RBSN: variants seen among roughly 807,000 people sequenced by gnomAD.
RBSN encodes the protein rabenosyn-5.
RBSN carries 34 observed loss-of-function variants against 60.5 expected under a neutral mutation model. The ratio of observed to expected loss-of-function variants is 0.56; its 90% confidence interval spans 0.43 to 0.75. The LOEUF (loss-of-function observed/expected upper bound fraction) is 0.75. Among genes scored for constraint, RBSN ranks in the 30% least tolerant of loss-of-function variants. The pLI, the probability that RBSN is intolerant of heterozygous loss-of-function variation, is 0.00. For synonymous variants in RBSN, 322 were observed against 366.9 expected (o/e 0.88, Z 1.40); for missense variants, 845 against 986.8 (o/e 0.86, Z 1.92).
intron 13 of RBSN, chr3:15,075,223 T>C: frequency 2.3e-6 from 1 of 431,388 alleles, no homozygotes; most frequent in Non-Finnish European, 4.2e-6. Flanking sequence ...TCTGTTCCCC[T>C]CATCTACACT....
chr3:15,093,705 T>C (rs1369814021), intron 4 of RBSN, among the ~76,000 whole-genome samples: 1 of 152,082 alleles, frequency 6.6e-6, no homozygotes, highest in Non-Finnish European at 1.5e-5. Flanking sequence ...AACTTTATTT[T>C]GTTTTTTTGT....
rs1559342766 is a variant in RBSN at position 15,078,778 on chromosome 3, ACATATATATATATATATATAT to A, written c.912-638_912-618del. On this transcript the variant is annotated intron_variant, in intron 10 of 13. Transcript: ENST00000253699. ...CGGTCTCAAAAAAAAAAAAAAAAAT[ACATATATATATATATATATAT>A]ATATATATATATATATATATATATA... Among the ~76,000 whole-genome samples the A allele has an allele frequency of 1.9e-3, 68 of 35,800 alleles. 3 individuals are homozygous for A. The highest frequency in any genetic ancestry group is 6.4e-3 in the African/African-American group (65 of 10,078). The allele number at this position is 35,800 out of a possible 152,430, so 23.5% of individuals were successfully genotyped here. A position where few individuals can be genotyped will look rare whatever the true frequency, so the allele number is the denominator to read the frequency against.
chr3:15,096,073 G>A lies in RBSN; in HGVS notation c.48C>T (p.Cys16=), dbSNP rs751696161. ...ACTGCAGATCCTTCAGGCACAGAGG[G>A]CAGAGGAAGCCCTCCCTCACTTCCC... ...DPGEVREGFL[C]PLCLKDLQSF... The change falls in exon 4 of 14, where the codon TGC becomes TGT. Residue 16 remains cysteine, a synonymous_variant. Coordinates refer to ENST00000253699, the MANE Select transcript of RBSN (RefSeq NM_022340.4). 11 of 1,611,916 alleles carry A rather than the reference G, an allele frequency of 6.8e-6. No individual in the cohort carries two copies. Among genetic ancestry groups the A allele is most frequent in the Non-Finnish European group, 9.3e-6 (11 of 1,178,726 alleles).
In RBSN at chr3:15,089,459, AAAAAAAAAAAAAAAAAAAC is replaced by A. The variant is rs1358458675; in HGVS notation, c.289+921_289+939del. Reference sequence around the variant, plus strand: ...TGACACAGTGAGACTCCATCTCCAAAAAAAAAAAAAAAAAAAAACAAAAAAAAAAAACAGATATGTAAGA... The same window carrying A: ...TGACACAGTGAGACTCCATCTCCAAAAAAAAAAAAAAACAGATATGTAAGA... On this transcript the variant is annotated intron_variant, in intron 5 of 13. Transcript: ENST00000253699. Among the ~76,000 whole-genome samples the A allele has an allele frequency of 5.6e-4, 62 of 111,576 alleles. 2 individuals carry two copies. The highest frequency in any genetic ancestry group is 3.3e-3 in the African/African-American group (57 of 17,366). 73.2% of individuals were successfully genotyped at this position (111,576 alleles called of 152,430 possible).
At position 15,098,455 on chromosome 3, in the gene RBSN, T is replaced by TAAAA. The variant is rs1485723784; in HGVS notation, c.-500-185_-500-182dup. Among the ~76,000 whole-genome samples, 20 of 2,742 alleles carry TAAAA rather than the reference T, an allele frequency of 7.3e-3. 2 individuals carry two copies. Among genetic ancestry groups the TAAAA allele is most frequent in the African/African-American group, 0.017 (10 of 584 alleles). The allele number at this position is 2,742 out of a possible 152,430, so 1.8% of individuals were successfully genotyped here. A position where few individuals can be genotyped will look rare whatever the true frequency, so the allele number is the denominator to read the frequency against. ...CTCGCACTCTAAATCACGTAAAAAG[T>TAAAA]AAAAAAAATAAAAATAAAAAAAATA... is the stretch of plus-strand genomic sequence containing the variant. On this transcript the variant is annotated intron_variant, in intron 1 of 13. Coordinates refer to ENST00000253699, the MANE Select transcript of RBSN (RefSeq NM_022340.4).
In RBSN at chr3:15,096,186, A is replaced by G; in HGVS notation, c.-66T>C. ...GCCAAGAGTCAGCTTGATTCCTCCC[A>G]AGGAACCATGGTTCCCGCAGCATTA... On this transcript the variant is annotated 5_prime_UTR_variant, in exon 4 of 14. Transcript: ENST00000253699. 2.7e-6 allele frequency: 4 copies of G among 1,494,774 alleles called. No individual in the cohort carries two copies. The highest frequency in any genetic ancestry group is 3.6e-6 in the Non-Finnish European group (4 of 1,122,810). 92.6% of individuals were successfully genotyped at this position (1,494,774 alleles called of 1,614,324 possible). A position where few individuals can be genotyped will look rare whatever the true frequency, so the allele number is the denominator to read the frequency against.
At position 15,074,992 on chromosome 3, in the gene RBSN, C is replaced by T; in HGVS notation, c.1207-62G>A. On this transcript the variant is annotated intron_variant, in intron 13 of 13. Coordinates refer to ENST00000253699, the MANE Select transcript of RBSN (RefSeq NM_022340.4). The surrounding 1 kb of genome is among the most constrained non-coding windows in gnomAD (Gnocchi z 6.4). ...CTATGCTGGCAGCAGCCCACACTGTCACCCACCCTCTGTTGTCCCTCTATC... is the reference window on the plus strand; with the variant it reads ...CTATGCTGGCAGCAGCCCACACTGTTACCCACCCTCTGTTGTCCCTCTATC... 4 of 1,526,550 alleles carry T rather than the reference C, an allele frequency of 2.6e-6. No homozygotes were observed. The highest frequency in any genetic ancestry group is 3.5e-6 in the Non-Finnish European group (4 of 1,140,990). The allele number at this position is 1,526,550 out of a possible 1,614,324, so 94.6% of individuals were successfully genotyped here.
chr3:15,077,233 C>T lies in RBSN; in HGVS notation c.999-69G>A. The T allele has an allele frequency of 7.5e-7, 1 of 1,338,508 alleles. No homozygotes were observed. The highest frequency in any genetic ancestry group is 1.1e-6 in the Non-Finnish European group (1 of 931,974). 82.9% of individuals were successfully genotyped at this position (1,338,508 alleles called of 1,614,324 possible). A position where few individuals can be genotyped will look rare whatever the true frequency, so the allele number is the denominator to read the frequency against. On this transcript the variant is annotated intron_variant, in intron 11 of 13. Transcript: ENST00000253699. The surrounding 1 kb of genome is among the most constrained non-coding windows in gnomAD (Gnocchi z 4.4). ...TCAGAAACAAGGGTGAAAAGTATAA[C>T]ATCTGGAGTTGCCAGGCTTTCATGC...
chr3:15,091,457 A>T (rs1228954111), intron 4 of RBSN: 1 of 1,286,056 alleles, frequency 7.8e-7, no homozygotes, highest in Non-Finnish European at 1.0e-6. Flanking sequence ...TGCATGTGAG[A>T]ATACTTGCAA....
chr3:15,096,243 G>T lies in RBSN; in HGVS notation c.-123C>A. 9.4e-7 allele frequency: 1 copy of T among 1,068,770 alleles called. No individual in the cohort carries two copies. Among genetic ancestry groups the T allele is most frequent in the Non-Finnish European group, 1.3e-6 (1 of 793,622 alleles). The allele number at this position is 1,068,770 out of a possible 1,614,324, so 66.2% of individuals were successfully genotyped here. A position where few individuals can be genotyped will look rare whatever the true frequency, so the allele number is the denominator to read the frequency against. ...GCAGCACACAGATGGTGAGGAAGTGGCTTCATGGCCCTGGATGAGGTTTCC... is the reference window on the plus strand; with the variant it reads ...GCAGCACACAGATGGTGAGGAAGTGTCTTCATGGCCCTGGATGAGGTTTCC... On this transcript the variant is annotated 5_prime_UTR_variant, in exon 4 of 14. Coordinates refer to ENST00000253699, the MANE Select transcript of RBSN (RefSeq NM_022340.4).
chr3:15,093,000 T>C (rs957593625), intron 4 of RBSN, among the ~76,000 whole-genome samples: 2 of 152,220 alleles, frequency 1.3e-5, no homozygotes, highest in African/African-American at 4.8e-5. Flanking sequence ...TTTTCAGCTA[T>C]CTTTTCTTCT....
chr3:15,092,944 C>A (rs528940508), intron 4 of RBSN, among the ~76,000 whole-genome samples: 3 of 152,132 alleles, frequency 2.0e-5, no homozygotes, highest in Admixed American at 6.6e-5. Context: ...TAAAAATAAT[C>A]CCATATATTT....
chr3:15,094,974 A>G (rs906543452), intron 4 of RBSN, among the ~76,000 whole-genome samples: 1 of 152,210 alleles, frequency 6.6e-6, no homozygotes, highest in Non-Finnish European at 1.5e-5. Context: ...AGTTAGCTGA[A>G]TAACTACAAA....
rs529922821 is a variant in RBSN, at chr3:15,073,984, T to C, written c.2153A>G (p.Asn718Ser). ...ACTGTCACTGTCCATCTCAAAGGGGTTGATACAGGTGGGTTCCTCAAAGGG... is the reference window on the plus strand; with the variant it reads ...ACTGTCACTGTCCATCTCAAAGGGGCTGATACAGGTGGGTTCCTCAAAGGG... The part of the protein sequence containing the change: ...GNPFEEPTCI[N>S]PFEMDSDSGP... The change falls in exon 14 of 14, where the codon AAC becomes AGC. Residue 718 changes from asparagine to serine, a missense_variant. Coordinates refer to ENST00000253699, the MANE Select transcript of RBSN (RefSeq NM_022340.4). 1.6e-4 allele frequency: 261 copies of C among 1,613,786 alleles called. 4 individuals are homozygous for C. In the South Asian group the frequency reaches 2.8e-3, roughly 17 times the overall value.
Position 15,074,776 on chromosome 3 carries a change from T to C in RBSN, c.1361A>G (p.Glu454Gly), listed in dbSNP as rs562465029. Residue 454 changes from glutamate to glycine, a missense_variant, in exon 14 of 14, where the codon GAG becomes GGG. Glu to Gly is a moderately conservative substitution (Grantham distance 98, BLOSUM62 -2). Transcript: ENST00000253699. This position sits in a 1 kb window ranked among gnomAD's most constrained non-coding sequence, Gnocchi z 6.4. ...LPLSGGQGQSEDSDPLLQQIH... is the reference protein window; with the variant it reads ...LPLSGGQGQSGDSDPLLQQIH... ...CTGCTGGAGGAGCGGGTCTGAGTCCTCACTCTGCCCCTGACCTCCTGACAG... is the reference window on the plus strand; with the variant it reads ...CTGCTGGAGGAGCGGGTCTGAGTCCCCACTCTGCCCCTGACCTCCTGACAG... 6.2e-7 allele frequency: 1 copy of C among 1,614,244 alleles called. No homozygotes were observed. Among genetic ancestry groups the C allele is most frequent in the East Asian group, 2.2e-5 (1 of 44,880 alleles).
rs9840511 is a variant in RBSN, at chr3:15,072,276, T to C, written c.*1506A>G. Reference sequence around the variant, plus strand: ...GCGTGGTGGCCCACGCCTGTAATCCTAGCTATTCAGGGGGCTGAGGCACAA... The same window carrying C: ...GCGTGGTGGCCCACGCCTGTAATCCCAGCTATTCAGGGGGCTGAGGCACAA... On this transcript the variant is annotated 3_prime_UTR_variant, in exon 14 of 14. Coordinates refer to ENST00000253699, the MANE Select transcript of RBSN (RefSeq NM_022340.4). 0.087 allele frequency: 13,170 copies of C among 152,234 alleles called. 806 individuals carry two copies. The highest frequency in any genetic ancestry group is 0.17 in the African/African-American group (6,872 of 41,520). 9.4% of individuals were successfully genotyped at this position (152,234 alleles called of 1,614,324 possible). A position where few individuals can be genotyped will look rare whatever the true frequency, so the allele number is the denominator to read the frequency against.
rs1235519376 is a variant in RBSN at position 15,077,003 on chromosome 3, G to A, written c.1101+59C>T. Reference sequence around the variant, plus strand: ...TCATTGGCATGGATCTGCCTCCTGGGAAGCAAAAGAGCAGGACAGGCCAAG... The same window carrying A: ...TCATTGGCATGGATCTGCCTCCTGGAAAGCAAAAGAGCAGGACAGGCCAAG... On this transcript the variant is annotated intron_variant, in intron 12 of 13. Coordinates refer to ENST00000253699, the MANE Select transcript of RBSN (RefSeq NM_022340.4). This position sits in a 1 kb window ranked among gnomAD's most constrained non-coding sequence, Gnocchi z 4.4. 1.4e-6 allele frequency: 2 copies of A among 1,449,258 alleles called. No homozygotes were observed. Among genetic ancestry groups the A allele is most frequent in the Admixed American group, 1.7e-5 (1 of 59,564 alleles). 89.8% of individuals were successfully genotyped at this position (1,449,258 alleles called of 1,614,324 possible).
chr3:15,089,480 A>AAAC lies in RBSN; in HGVS notation c.289+918_289+919insGTT, dbSNP rs1343892202. 2.6e-3 allele frequency among the ~76,000 whole-genome samples: 193 copies of AAAC among 75,196 alleles called. 1 individual carries two copies. The highest frequency in any genetic ancestry group is 9.1e-3 in the African/African-American group (181 of 19,830). 49.3% of individuals were successfully genotyped at this position (75,196 alleles called of 152,430 possible). ...CCAAAAAAAAAAAAAAAAAAAAACA[A>AAAC]AAAAAAAAAACAGATATGTAAGATT... is the stretch of plus-strand genomic sequence containing the variant. On this transcript the variant is annotated intron_variant, in intron 5 of 13. Coordinates refer to ENST00000253699, the MANE Select transcript of RBSN (RefSeq NM_022340.4).
At position 15,074,529 on chromosome 3, in the gene RBSN, C is replaced by A. The variant is rs1453974587; in HGVS notation, c.1608G>T (p.Gln536His). ...GTGTGTGCAGGGATGCCACCCGAAA[C>A]TGCTCCCTTTCTCGTTCCAACTCCC... ...RERELERERE[Q>H]FRVASLHTRT... is the part of the protein sequence containing the mutation. The change falls in exon 14 of 14, where the codon CAG (glutamine) becomes CAT (histidine). Residue 536 changes from glutamine (Q) to histidine (H), a missense_variant. Coordinates refer to ENST00000253699, the MANE Select transcript of RBSN (RefSeq NM_022340.4). The surrounding 1 kb of genome is among the most constrained non-coding windows in gnomAD (Gnocchi z 6.4). 14 of 1,614,226 alleles carry A rather than the reference C, an allele frequency of 8.7e-6. No individual in the cohort carries two copies. In the East Asian group the frequency reaches 2.9e-4, roughly 33 times the overall value.
Sources: allele counts gnomAD v4.1 joint callset (sites outside exome capture counted in the v4.1 genomes callset), GRCh38; gene constraint gnomAD v4.1.1; non-coding constraint Gnocchi (gnomAD v3.1); transcripts MANE v1.5; gene names NCBI Gene and HGNC (gene_info 2026-07-23, HGNC 2026-07-21).